The following TAF1 variants were observed in gnomAD, a reference collection of about 807,000 sequenced individuals.
TAF1 encodes the protein TATA-box binding protein associated factor 1.
A neutral mutation model predicts 138.5 loss-of-function variants in TAF1; 2 were observed. The ratio of observed to expected loss-of-function variants is 0.01; its 90% CI spans 0.01 to 0.05. TAF1 has a LOEUF of 0.05. Among genes scored for constraint, TAF1 ranks in the 10% least tolerant of loss-of-function variants. The pLI is 1.00. For synonymous variants in TAF1, 437 were observed against 503.2 expected (o/e 0.87, Z 1.76); for missense variants, 709 against 1,478.0 (o/e 0.48, Z 8.53).
intron 13 of TAF1, among the ~76,000 whole-genome samples, chrX:71,511,152 A>C (rs1460286350): frequency 8.9e-6 from 1 of 112,024 alleles, no homozygotes; most frequent in Non-Finnish European, 1.9e-5. Context: ...GGGCTACAGG[A>C]ATATACACAA....
chrX:71,382,025 C>T, intron 9 of TAF1, 106 bp downstream of exon 9: 2 of 938,804 alleles, frequency 2.1e-6, no homozygotes, highest in Non-Finnish European at 2.8e-6. Flanking sequence ...GGACTAGAAA[C>T]CTGTAGGTAG....
At chrX:71,413,381 C>G (rs776192195) in intron 28 of TAF1, among the ~76,000 whole-genome samples, 1 of 111,785 alleles carries the variant, frequency 8.9e-6, no homozygotes, top group Non-Finnish European at 1.9e-5. Context: ...TCTAACCATC[C>G]TAGTGGGTGT....
At chrX:71,405,451 C>T (rs2035417627) in intron 25 of TAF1, among the ~76,000 whole-genome samples, 1 of 111,435 alleles carries the variant, frequency 9.0e-6, no homozygotes, top group Admixed American at 9.6e-5. Flanking sequence ...CCTGGGTTCA[C>T]GTGATTCTCC....
intron 28 of TAF1, among the ~76,000 whole-genome samples, chrX:71,411,576 CCACTTTTT>C (rs1268640842): frequency 8.9e-6 from 1 of 112,676 alleles, no homozygotes; most frequent in African/African-American, 3.2e-5. Flanking sequence ...ATACTGTTCT[CCACTTTTT>C]CACTTACTGT....
chrX:71,445,349 C>A (rs958513372), intron 32 of TAF1, among the ~76,000 whole-genome samples: 1 of 104,041 alleles, frequency 9.6e-6, no homozygotes, highest in Non-Finnish European at 1.9e-5. Context: ...CAAAGGTTTT[C>A]TCTTATGTTT....
At chrX:71,523,180 C>CAAAAAAAAAAAA (rs754302629) in intron 13 of TAF1, among the ~76,000 whole-genome samples, 1 of 15,374 alleles carries the variant, frequency 6.5e-5, no homozygotes. Context: ...GACTCCCTCT[C>CAAAAAAAAAAAA]AAAAAAAAAA....
intron 13 of TAF1, among the ~76,000 whole-genome samples, chrX:71,475,899 C>T (rs2038972754): frequency 1.8e-5 from 2 of 110,746 alleles, no homozygotes; most frequent in Admixed American, 1.9e-4. Context: ...AGTGAGTTCT[C>T]TATTAGTTCA....
At chrX:71,480,118 G>T (rs2039046410) in intron 13 of TAF1, among the ~76,000 whole-genome samples, 1 of 111,483 alleles carries the variant, frequency 9.0e-6, no homozygotes, top group African/African-American at 3.3e-5. Context: ...CTAGCTACTT[G>T]GGAGGCTGAT....
intron 34 of TAF1, 31 bp from the exon 35 acceptor site, chrX:71,458,210 T>C: frequency 8.3e-7 from 1 of 1,204,276 alleles, no homozygotes; most frequent in Non-Finnish European, 1.1e-6. Flanking sequence ...CTTTCCTAGA[T>C]AGAAGCTAAG....
intron 18 of TAF1, among the ~76,000 whole-genome samples, chrX:71,389,985 C>T (rs774247268): frequency 9.0e-6 from 1 of 110,980 alleles, no homozygotes; most frequent in African/African-American, 3.3e-5. Flanking sequence ...CGCGATTCTC[C>T]TGCCTCAGCC....
intron 22 of TAF1, among the ~76,000 whole-genome samples, chrX:71,395,642 T>A (rs1242820891): frequency 8.9e-6 from 1 of 111,984 alleles, no homozygotes; most frequent in Non-Finnish European, 1.9e-5. Context: ...TGATGAAGAT[T>A]TATATGGCTT....
At chrX:71,517,134 A>G (rs1249359062) in intron 13 of TAF1, among the ~76,000 whole-genome samples, 1 of 110,698 alleles carries the variant, frequency 9.0e-6, no homozygotes, top group Non-Finnish European at 1.9e-5. Context: ...TCGAAGAGGG[A>G]GGAGGCCACA....
chrX:71,374,224 A>G, intron 3 of TAF1, among the ~76,000 whole-genome samples: 2 of 110,504 alleles, frequency 1.8e-5, no homozygotes, highest in Non-Finnish European at 3.8e-5. Flanking sequence ...CTGGGATTAC[A>G]GGCACATGCC....
chrX:71,479,183 C>T (rs183339932), intron 13 of TAF1, among the ~76,000 whole-genome samples: 2 of 112,351 alleles, frequency 1.8e-5, no homozygotes, highest in East Asian at 2.8e-4. Context: ...ATGAGTCCCA[C>T]GAACATAATG....
chrX:71,461,369 C>T (rs1263793490), intron 37 of TAF1, among the ~76,000 whole-genome samples: 2 of 111,189 alleles, frequency 1.8e-5, no homozygotes, highest in African/African-American at 6.5e-5. Flanking sequence ...TGGACCTTAA[C>T]CTGCGGGTAA....
At chrX:71,454,080 C>T in intron 32 of TAF1, 90 bp from the exon 33 acceptor site, 3 of 824,240 alleles carry the variant, frequency 3.6e-6, no homozygotes, top group African/African-American at 2.0e-5. Flanking sequence ...TTTTCTAGGT[C>T]TAGGATAATG....
At chrX:71,506,973 G>A (rs2039639889) in intron 13 of TAF1, among the ~76,000 whole-genome samples, 1 of 111,478 alleles carries the variant, frequency 9.0e-6, no homozygotes, top group African/African-American at 3.3e-5. Flanking sequence ...CAGACACAAA[G>A]GTCACACATT....
chrX:71,418,210 C>T (rs1459496738), intron 28 of TAF1, among the ~76,000 whole-genome samples: 1 of 112,004 alleles, frequency 8.9e-6, no homozygotes, highest in Non-Finnish European at 1.9e-5. Context: ...CCTCCTGTGT[C>T]AGCCTGCCGA....
In TAF1 at chrX:71,408,169, C is replaced by T. The variant is rs1265485744; in HGVS notation, c.4384+18C>T. 12 of 1,205,737 alleles carry T rather than the reference C, an allele frequency of 1.0e-5. No individual in the cohort carries two copies. The highest frequency in any genetic ancestry group is 7.2e-5 in the South Asian group (4 of 55,872). On this transcript the variant is annotated intron_variant, in intron 28 of 37. Coordinates refer to ENST00000423759, the MANE Select transcript of TAF1 (RefSeq NM_004606.5). Reference sequence around the variant, plus strand: ...CTACAATGGTAAGAATCAAATGTTCCGTGATTGCAAAGGTCACTGTTCAGA... The same window carrying T: ...CTACAATGGTAAGAATCAAATGTTCTGTGATTGCAAAGGTCACTGTTCAGA...
Sources: gnomAD v4.1 joint callset for allele counts (sites outside exome capture counted in the v4.1 genomes callset) on GRCh38, gnomAD v4.1.1 for gene constraint, MANE v1.5 for transcripts, NCBI Gene and HGNC (gene_info 2026-07-23, HGNC 2026-07-21) for gene names.